TMEM269: variants seen among roughly 807,000 people sequenced by gnomAD.
TMEM269 encodes the protein transmembrane protein 269.
Under a neutral mutation model 15.8 loss-of-function variants are expected in TMEM269, and 12 were observed. That is an observed-to-expected ratio of 0.76 (90% confidence interval 0.49 to 1.23). TMEM269 has a LOEUF of 1.23. Ranked by LOEUF, TMEM269 falls within the 50% of genes most tolerant of loss-of-function variation. TMEM269 has a pLI of 0.00. For missense variants in TMEM269, 211 were observed against 245.4 expected, an observed-to-expected ratio of 0.86 and a Z score of 0.94; for synonymous variants, 93 against 99.3, an observed-to-expected ratio of 0.94 and a Z score of 0.38.
intron 1 of TMEM269, chr1:42,789,249 CT>C (rs1653604176): frequency 3.4e-6 from 2 of 593,668 alleles, no homozygotes; most frequent in East Asian, 5.6e-5. Flanking sequence ...TCTGCCGTCT[CT>C]TTCCTTGTGG....
Position 42,792,855 on chromosome 1 carries a change from T to C in TMEM269, c.92T>C (p.Met31Thr). 6.4e-7 allele frequency: 1 copy of C among 1,550,548 alleles called. No homozygotes were observed. Among genetic ancestry groups the C allele is most frequent in the Non-Finnish European group, 8.7e-7 (1 of 1,146,996 alleles). Residue 31 changes from methionine (M) to threonine (T), a missense_variant, in exon 3 of 6, where the codon ATG becomes ACG. By Grantham distance (81) the Met-to-Thr change is moderately conservative. Transcript: ENST00000637012. ...CTCCTGGTCAGCTTCCTGTTAGACA[T>C]GGCAGTCAGGGCAATGACCAGCCAC... is the stretch of plus-strand genomic sequence containing the variant. ...RMLLVSFLLD[M>T]AVRAMTSHIN... is the part of the protein sequence containing the mutation.
At chr1:42,786,874 T>A (rs1416840937) in intron 1 of TMEM269, among the ~76,000 whole-genome samples, 1 of 152,200 alleles carries the variant, frequency 6.6e-6, no homozygotes, top group Non-Finnish European at 1.5e-5. Context: ...TTCCACATCC[T>A]TTCACACCTG....
At chr1:42,789,044 T>G (rs1653600085) in intron 1 of TMEM269, among the ~76,000 whole-genome samples, 1 of 151,574 alleles carries the variant, frequency 6.6e-6, no homozygotes, top group South Asian at 2.1e-4. Context: ...TGCCTCAGCC[T>G]CCTGAGTAGC....
In TMEM269 at chr1:42,797,909, C is replaced by T. The variant is rs1012891602; in HGVS notation, c.485-189C>T. 1 of 706,758 alleles carries T rather than the reference C, an allele frequency of 1.4e-6. No individual in the cohort carries two copies. The highest frequency in any genetic ancestry group is 2.6e-6 in the Non-Finnish European group (1 of 382,556). The allele number at this position is 706,758 out of a possible 1,614,324, so 43.8% of individuals were successfully genotyped here. A position where few individuals can be genotyped will look rare whatever the true frequency, so the allele number is the denominator to read the frequency against. ...GAACCTGAGACTGCATTGGGCTATA[C>T]TTCTCTAGTTACTTACCTATCTCTA... On this transcript the variant is annotated intron_variant, in intron 5 of 5. Coordinates refer to ENST00000637012, the MANE Select transcript of TMEM269 (RefSeq NM_001354602.2). The surrounding 1 kb of genome is among the most constrained non-coding windows in gnomAD (Gnocchi z 4.9).
intron 1 of TMEM269, among the ~76,000 whole-genome samples, chr1:42,785,561 A>G (rs1285687471): frequency 6.6e-6 from 1 of 151,948 alleles, no homozygotes; most frequent in Non-Finnish European, 1.5e-5. Flanking sequence ...GCCGCCTCCA[A>G]GCCGCCCTGC....
Position 42,788,907 on chromosome 1 carries a change from A to C in TMEM269, c.-98-889A>C, listed in dbSNP as rs1220683232. 6.7e-6 allele frequency among the ~76,000 whole-genome samples: 1 copy of C among 150,060 alleles called. No individual in the cohort carries two copies. ...CATGGCGAAAAGATCTTTGTGAACT[A>C]TTCAGTGTTGTACACTTTTTTTTTT... is the stretch of plus-strand genomic sequence containing the variant. On this transcript the variant is annotated intron_variant, in intron 1 of 5. Coordinates refer to ENST00000637012, the MANE Select transcript of TMEM269 (RefSeq NM_001354602.2). This position sits in a 1 kb window ranked among gnomAD's most constrained non-coding sequence, Gnocchi z 4.0.
chr1:42,795,195 G>A (rs1365705131), intron 5 of TMEM269, among the ~76,000 whole-genome samples: 2 of 152,166 alleles, frequency 1.3e-5, no homozygotes, highest in Admixed American at 6.5e-5. Context: ...AGGTGGGGAT[G>A]GGGAGGTTCA....
At position 42,797,263 on chromosome 1, in the gene TMEM269, G is replaced by A. The variant is rs554003657; in HGVS notation, c.485-835G>A. ...CTAAGATTGATTTCAGCAAAAGGAT[G>A]TAAAGCAAAATCAGCAAAGGGAAAA... On this transcript the variant is annotated intron_variant, in intron 5 of 5. Coordinates refer to ENST00000637012, the MANE Select transcript of TMEM269 (RefSeq NM_001354602.2). The surrounding 1 kb of genome is among the most constrained non-coding windows in gnomAD (Gnocchi z 4.9). Among the ~76,000 whole-genome samples, 1 of 152,308 alleles carries A rather than the reference G, an allele frequency of 6.6e-6. No individual in the cohort carries two copies. The highest frequency in any genetic ancestry group is 2.4e-5 in the African/African-American group (1 of 41,568).
At chr1:42,791,785 T>G (rs1653690940) in intron 2 of TMEM269, among the ~76,000 whole-genome samples, 1 of 152,284 alleles carries the variant, frequency 6.6e-6, no homozygotes. Flanking sequence ...GCGGATCACT[T>G]GAGGTCAGGA....
Position 42,789,871 on chromosome 1 carries a change from C to A in TMEM269, c.-23C>A. ...AATGAGGTTTCCTGGAAGGATGTTA[C>A]CAGTGCCTTATCTCTGGCCAACATG... On this transcript the variant is annotated 5_prime_UTR_variant, in exon 2 of 6. Transcript: ENST00000637012. 1 of 1,550,902 alleles carries A rather than the reference C, an allele frequency of 6.4e-7. No individual in the cohort carries two copies. Among genetic ancestry groups the A allele is most frequent in the East Asian group, 2.4e-5 (1 of 40,928 alleles).
At chr1:42,787,270 C>G (rs1653559113) in intron 1 of TMEM269, among the ~76,000 whole-genome samples, 1 of 152,224 alleles carries the variant, frequency 6.6e-6, no homozygotes, top group African/African-American at 2.4e-5. Context: ...CTTCCCATCT[C>G]TGAGTCTTCC....
intron 1 of TMEM269, among the ~76,000 whole-genome samples, chr1:42,787,569 C>G (rs1032990715): frequency 1.6e-5 from 2 of 128,060 alleles, no homozygotes; most frequent in South Asian, 2.6e-4. Flanking sequence ...CACTGCAGTC[C>G]GCAGTCCGGC....
intron 1 of TMEM269, among the ~76,000 whole-genome samples, chr1:42,786,333 CCAAA>C (rs756223757): frequency 1.5e-4 from 23 of 152,268 alleles, no homozygotes; most frequent in South Asian, 4.1e-4. Flanking sequence ...TAGGCGGTGC[CCAAA>C]CAGAGTGCCA....
At chr1:42,793,091 C>T (rs1254079123) in intron 3 of TMEM269, among the ~76,000 whole-genome samples, 189 bp downstream of exon 3, 1 of 152,208 alleles carries the variant, frequency 6.6e-6, no homozygotes, top group Non-Finnish European at 1.5e-5. Flanking sequence ...GCTCCAGCTC[C>T]TCTGCTGGCT....
At position 42,794,412 on chromosome 1, in the gene TMEM269, G is replaced by A; in HGVS notation, c.284-1G>A. 1 of 1,550,042 alleles carries A rather than the reference G, an allele frequency of 6.5e-7. No homozygotes were observed. The highest frequency in any genetic ancestry group is 8.7e-7 in the Non-Finnish European group (1 of 1,146,614). On this transcript the variant is annotated splice_acceptor_variant, in intron 4 of 5. Coordinates refer to ENST00000637012, the MANE Select transcript of TMEM269 (RefSeq NM_001354602.2). LOFTEE classifies it high-confidence loss of function. ...CTAATCTCCAGCGTTCTTCCTGGCA[G>A]GAGTCCCCTCCACATACAAGGGTCT...
Position 42,799,416 on chromosome 1 carries a change from AAT to A in TMEM269, c.*1192_*1193del, listed in dbSNP as rs1422316620. The A allele has an allele frequency of 1.1e-4, 16 of 152,300 alleles. No individual in the cohort carries two copies. The allele number at this position is 152,300 out of a possible 1,614,324, so 9.4% of individuals were successfully genotyped here. On this transcript the variant is annotated 3_prime_UTR_variant, in exon 6 of 6. Coordinates refer to ENST00000637012, the MANE Select transcript of TMEM269 (RefSeq NM_001354602.2). ...TATAACTTTTTTAAGTTTCCAGAAC[AAT>A]GTATGTGGTAAATATACATCTATTC...
intron 2 of TMEM269, among the ~76,000 whole-genome samples, chr1:42,790,464 A>C (rs1653664527): frequency 6.6e-6 from 1 of 152,176 alleles, no homozygotes; most frequent in East Asian, 1.9e-4. Flanking sequence ...TCATCCACAA[A>C]ATAAGATGAC....
intron 4 of TMEM269, 37 bp from the exon 5 acceptor site, chr1:42,794,376 G>C: frequency 1.3e-6 from 2 of 1,495,164 alleles, no homozygotes; most frequent in Non-Finnish European, 1.8e-6. Flanking sequence ...CTTTAGAGCA[G>C]AGGGAAGCAG....
At chr1:42,794,857 G>A (rs927182303) in intron 5 of TMEM269, among the ~76,000 whole-genome samples, 3 of 152,168 alleles carry the variant, frequency 2.0e-5, no homozygotes, top group South Asian at 2.1e-4. Flanking sequence ...CAGTCACATC[G>A]TAGGTGCTCA....
Sources: gnomAD v4.1 joint callset for allele counts (sites outside exome capture counted in the v4.1 genomes callset) on GRCh38, gnomAD v4.1.1 for gene constraint, Gnocchi (gnomAD v3.1) non-coding constraint, MANE v1.5 for transcripts, NCBI Gene and HGNC (gene_info 2026-07-23, HGNC 2026-07-21) for gene names.